The following PDE10A variants were observed in gnomAD, a reference collection of about 807,000 sequenced individuals.
PDE10A encodes the protein phosphodiesterase 10A, also known as cAMP and cAMP-inhibited cGMP 3',5'-cyclic phosphodiesterase 10A.
A neutral mutation model predicts 97.7 loss-of-function variants in PDE10A; 39 were observed. That is an observed-to-expected ratio of 0.40 (90% CI 0.31 to 0.52). The LOEUF is 0.52. PDE10A is among the 20% of genes least tolerant of loss of function. The pLI is 0.56. For synonymous variants in PDE10A, 371 were observed against 376.8 expected (o/e 0.98, Z 0.18); for missense variants, 731 against 1,047.8 (o/e 0.70, Z 4.17).
In PDE10A at chr6:165,711,487, T is replaced by C. The variant is rs1582975217; in HGVS notation, c.-614-167919A>G. Among the ~76,000 whole-genome samples the C allele has an allele frequency of 6.6e-6, 1 of 152,190 alleles. No individual in the cohort carries two copies. Among genetic ancestry groups the C allele is most frequent in the Non-Finnish European group, 1.5e-5 (1 of 68,038 alleles). ...TGGTGGACTCTGCGAGTTAGCTGTCTGGAGAGGGCCTTAAGTCACTCTCCA... is the reference window on the plus strand; with the variant it reads ...TGGTGGACTCTGCGAGTTAGCTGTCCGGAGAGGGCCTTAAGTCACTCTCCA... On this transcript the variant is annotated intron_variant, in intron 1 of 19. Coordinates refer to the PDE10A transcript ENST00000366882. The surrounding 1 kb of genome is among the most constrained non-coding windows in gnomAD (Gnocchi z 4.5).
intron 1 of PDE10A, among the ~76,000 whole-genome samples, chr6:165,900,320 A>C (rs936648318): frequency 6.6e-6 from 1 of 152,094 alleles, no homozygotes; most frequent in Non-Finnish European, 1.5e-5. Context: ...AAAAATACAA[A>C]AATTAGCTGG....
At chr6:165,488,364 G>A (rs753614346) in intron 2 of PDE10A, among the ~76,000 whole-genome samples, 7 of 152,132 alleles carry the variant, frequency 4.6e-5, no homozygotes, top group Admixed American at 6.6e-5. Context: ...TGCGCTAAGG[G>A]GATTTTATAG....
chr6:165,636,209 A>G (rs974865177), intron 1 of PDE10A, among the ~76,000 whole-genome samples: 1 of 152,190 alleles, frequency 6.6e-6, no homozygotes, highest in African/African-American at 2.4e-5. Flanking sequence ...AACCCTGGGA[A>G]GTAGACCTCA....
chr6:165,545,936 C>A (rs1178530180), intron 1 of PDE10A, among the ~76,000 whole-genome samples: 1 of 152,044 alleles, frequency 6.6e-6, no homozygotes, highest in African/African-American at 2.4e-5. Flanking sequence ...GATATGAAGA[C>A]TTATGTCCAC....
chr6:165,846,735 A>C (rs1392260039), intron 1 of PDE10A, among the ~76,000 whole-genome samples: 1 of 152,252 alleles, frequency 6.6e-6, no homozygotes, highest in Non-Finnish European at 1.5e-5. Flanking sequence ...AAACCAAATA[A>C]AAGCAAAACT....
chr6:165,871,138 A>G (rs1240809527), intron 1 of PDE10A, among the ~76,000 whole-genome samples: 1 of 152,204 alleles, frequency 6.6e-6, no homozygotes, highest in Non-Finnish European at 1.5e-5. Context: ...GAGGTGATGG[A>G]TATTCTAAAT....
intron 21 of PDE10A, among the ~76,000 whole-genome samples, chr6:165,335,781 C>T (rs1349261752): frequency 2.0e-5 from 3 of 152,280 alleles, no homozygotes; most frequent in African/African-American, 2.4e-5. Context: ...GGGTCTCCCA[C>T]ACCGAGACAG....
chr6:165,538,267 A>T (rs1783218019), intron 2 of PDE10A, among the ~76,000 whole-genome samples: 1 of 152,066 alleles, frequency 6.6e-6, no homozygotes, highest in African/African-American at 2.4e-5. Flanking sequence ...AACTTCAATT[A>T]TTTGTTGAAA....
chr6:165,532,101 C>T (rs995572937), intron 2 of PDE10A, among the ~76,000 whole-genome samples: 2 of 152,028 alleles, frequency 1.3e-5, no homozygotes, highest in South Asian at 4.1e-4. Flanking sequence ...GCTAGCCAAC[C>T]GGCTTTACAC....
chr6:165,863,782 G>A (rs977711594), intron 1 of PDE10A, among the ~76,000 whole-genome samples: 33 of 152,070 alleles, frequency 2.2e-4, no homozygotes, highest in African/African-American at 7.7e-4. Flanking sequence ...AAATAACAAG[G>A]TTCTTCCAGA....
At chr6:165,428,153 C>T (rs1789297702) in intron 10 of PDE10A, among the ~76,000 whole-genome samples, 1 of 152,120 alleles carries the variant, frequency 6.6e-6, no homozygotes, top group African/African-American at 2.4e-5. Context: ...GGCATCCACC[C>T]ATACATTCTG....
At chr6:165,831,997 C>A (rs892956293) in intron 1 of PDE10A, among the ~76,000 whole-genome samples, 6 of 152,094 alleles carry the variant, frequency 3.9e-5, no homozygotes, top group African/African-American at 1.4e-4. Context: ...CCACAGAAAC[C>A]TCCAACTACA....
intron 1 of PDE10A, among the ~76,000 whole-genome samples, chr6:165,680,419 G>A (rs1439760839): frequency 2.0e-5 from 3 of 152,138 alleles, no homozygotes; most frequent in Non-Finnish European, 2.9e-5. Context: ...AGCTACAATC[G>A]GAGGTACTTT....
In PDE10A at chr6:165,336,108, A is replaced by G. The variant is rs756240026; in HGVS notation, c.3065+15T>C. 6.3e-7 allele frequency: 1 copy of G among 1,577,750 alleles called. No homozygotes were observed. On this transcript the variant is annotated intron_variant, in intron 21 of 21. Transcript: ENST00000539869. ...TTGGAAACAATATTTTTACGGCTTG[A>G]ACCATAGTACATACCTGCATGCTTT...
At chr6:165,969,430 G>A (rs1365152734) in intron 1 of PDE10A, among the ~76,000 whole-genome samples, 1 of 152,172 alleles carries the variant, frequency 6.6e-6, no homozygotes, top group African/African-American at 2.4e-5. Flanking sequence ...ATAAGACACA[G>A]CTGTAGCTAT....
intron 18 of PDE10A, 147 bp from the exon 19 acceptor site, chr6:165,343,649 T>C: frequency 1.6e-6 from 1 of 630,464 alleles, no homozygotes; most frequent in South Asian, 1.9e-5. Flanking sequence ...GACAGTAAAA[T>C]GGAATTAAAA....
chr6:165,847,841 C>T (rs1402910492), intron 1 of PDE10A, among the ~76,000 whole-genome samples: 1 of 152,208 alleles, frequency 6.6e-6, no homozygotes, highest in Admixed American at 6.5e-5. Flanking sequence ...TGCTTTTGAG[C>T]GTAAACAAAT....
upstream of PDE10A, among the ~76,000 whole-genome samples, chr6:165,663,857 C>T (rs957528136): frequency 6.6e-6 from 1 of 152,222 alleles, no homozygotes. Context: ...CACCCCCACC[C>T]CCTTCCGTAG....
chr6:165,657,351 G>A (rs1385566343), intron 1 of PDE10A, among the ~76,000 whole-genome samples: 1 of 152,236 alleles, frequency 6.6e-6, no homozygotes, highest in Non-Finnish European at 1.5e-5. Flanking sequence ...AGCTGGAGGA[G>A]CCTAATTTAC....
Sources: allele counts gnomAD v4.1 joint callset (sites outside exome capture counted in the v4.1 genomes callset), GRCh38; gene constraint gnomAD v4.1.1; non-coding constraint Gnocchi (gnomAD v3.1); transcripts MANE v1.5; gene names NCBI Gene and HGNC (gene_info 2026-07-23, HGNC 2026-07-21).